The following CCDC81 variants were observed in gnomAD, a reference collection of about 807,000 sequenced individuals.
CCDC81 encodes coiled-coil domain containing 81.
Under a neutral mutation model 83.7 loss-of-function variants are expected in CCDC81, and 79 were observed. The observed-to-expected ratio is 0.94, with a 90% CI of 0.79 to 1.14. The LOEUF (loss-of-function observed/expected upper bound fraction) is 1.14. Among genes scored for constraint, CCDC81 ranks in the 50% most tolerant of loss-of-function variants. The pLI, the probability that CCDC81 is intolerant of heterozygous loss-of-function variation, is 0.00. For synonymous variants in CCDC81, 252 were observed against 278.1 expected (o/e 0.91, Z 0.93); for missense variants, 791 against 778.1 (o/e 1.02, Z -0.20).
At chr11:86,415,504 T>C (rs373935076) in intron 13 of CCDC81, among the ~76,000 whole-genome samples, 191 bp downstream of exon 13, 1 of 152,242 alleles carries the variant, frequency 6.6e-6, no homozygotes, top group African/African-American at 2.4e-5. Context: ...CTTCATCTTG[T>C]TTTATCTTAA....
intron 1 of CCDC81, 24 bp downstream of exon 1, chr11:86,375,266 G>A (rs777018459): frequency 1.3e-6 from 2 of 1,593,208 alleles, no homozygotes; most frequent in Non-Finnish European, 1.7e-6. Context: ...GTAGCAGGGG[G>A]TGGCCCTGGG....
chr11:86,416,792 G>A (rs1269816297), intron 13 of CCDC81, among the ~76,000 whole-genome samples: 1 of 152,136 alleles, frequency 6.6e-6, no homozygotes, highest in Non-Finnish European at 1.5e-5. Flanking sequence ...CTTAACATGT[G>A]ATCTCAGATT....
chr11:86,380,360 C>A (rs1479122131), intron 1 of CCDC81, among the ~76,000 whole-genome samples: 3 of 152,152 alleles, frequency 2.0e-5, no homozygotes, highest in Non-Finnish European at 4.4e-5. Context: ...TTCCCTCTCT[C>A]TGCCTGGCTT....
At chr11:86,418,976 C>T (rs983626633) in intron 13 of CCDC81, 4 of 152,090 alleles carry the variant, frequency 2.6e-5, no homozygotes, top group Non-Finnish European at 4.4e-5. Context: ...CTGGCACTTC[C>T]TGTGTATCAT....
At chr11:86,405,781 TTTTC>T (rs1450601690) in intron 7 of CCDC81, among the ~76,000 whole-genome samples, 2 of 141,394 alleles carry the variant, frequency 1.4e-5, no homozygotes, top group Non-Finnish European at 3.1e-5. Context: ...ATTTCTTCTT[TTTTC>T]TTTTTTTTTT....
At chr11:86,383,223 C>T (rs1354877122) in intron 1 of CCDC81, among the ~76,000 whole-genome samples, 3 of 152,176 alleles carry the variant, frequency 2.0e-5, no homozygotes, top group Non-Finnish European at 4.4e-5. Flanking sequence ...GGGTCTTCCA[C>T]GTAGCACACT....
chr11:86,401,112 T>C (rs148723099), intron 7 of CCDC81, among the ~76,000 whole-genome samples: 1 of 152,322 alleles, frequency 6.6e-6, no homozygotes, highest in Admixed American at 6.5e-5. Context: ...TACAAAACTT[T>C]CATGTTTTCC....
At chr11:86,417,500 CTAGCAATGTCATA>C (rs1350399906) in intron 13 of CCDC81, among the ~76,000 whole-genome samples, 1 of 151,712 alleles carries the variant, frequency 6.6e-6, no homozygotes, top group Non-Finnish European at 1.5e-5. Context: ...TTTCTTTAAC[CTAGCAATGTCATA>C]TACAACTCAG....
At chr11:86,396,617 T>A (rs1471309070) in intron 5 of CCDC81, among the ~76,000 whole-genome samples, 1 of 152,176 alleles carries the variant, frequency 6.6e-6, no homozygotes, top group African/African-American at 2.4e-5. Context: ...GACACATACC[T>A]CAGAAGATTC....
chr11:86,409,278 T>G lies in CCDC81; in HGVS notation c.1131T>G (p.Thr377=). The G allele has an allele frequency of 6.7e-7, 1 of 1,489,460 alleles. No homozygotes were observed. Among genetic ancestry groups the G allele is most frequent in the South Asian group, 1.4e-5 (1 of 71,318 alleles). The allele number at this position is 1,489,460 out of a possible 1,614,324, so 92.3% of individuals were successfully genotyped here. Residue 377 remains threonine, a synonymous_variant, in exon 10 of 15, where the codon ACT becomes ACG. Coordinates refer to ENST00000445632, the MANE Select transcript of CCDC81 (RefSeq NM_001156474.2). ...LFRHQMKSLA[T]REQNQKNAAY... ...AACAATAGATGAAAAGTCTGGCTAC[T>G]AGAGAACAGAATCAGAAAAATGCTG...
chr11:86,420,211 T>C (rs562511681), intron 14 of CCDC81, among the ~76,000 whole-genome samples, 158 bp downstream of exon 14: 2 of 152,360 alleles, frequency 1.3e-5, no homozygotes, highest in East Asian at 3.9e-4. Context: ...TGATTAGAAA[T>C]GTCTGTTACA....
chr11:86,403,206 C>T (rs1449216520), intron 7 of CCDC81, among the ~76,000 whole-genome samples: 1 of 151,710 alleles, frequency 6.6e-6, no homozygotes, highest in Non-Finnish European at 1.5e-5. Flanking sequence ...TTACAGTTTT[C>T]CTGCTTGAAT....
chr11:86,422,538 G>C, intron 14 of CCDC81, 36 bp from the exon 15 acceptor site: 1 of 1,594,854 alleles, frequency 6.3e-7, no homozygotes, highest in Non-Finnish European at 8.6e-7. Flanking sequence ...GGAACTCCAG[G>C]AACCTGCTGA....
rs751443342 is a variant in CCDC81 at position 86,375,215 on chromosome 11, C to T, written c.52C>T (p.Pro18Ser). The T allele has an allele frequency of 2.0e-5, 33 of 1,612,094 alleles. No individual in the cohort carries two copies. The South Asian group carries it at 3.4e-4, about 17-fold the overall frequency. Residue 18 changes from proline to serine, a missense_variant, in exon 1 of 15, where the codon CCC becomes TCC. Transcript: ENST00000445632. ...ALQDLGRQVL[P>S]TLPSLSQEEV... ...GCAGGACCTGGGCAGGCAGGTGCTG[C>T]CCACTCTGCCCTCGCTGAGCCAGGA... is the stretch of plus-strand genomic sequence containing the variant.
intron 13 of CCDC81, 154 bp from the exon 14 acceptor site, chr11:86,419,774 G>T (rs1261125879): frequency 8.7e-6 from 5 of 577,642 alleles, no homozygotes; most frequent in Non-Finnish European, 1.1e-5. Context: ...AGGAATTTCA[G>T]TATGCTTTTA....
Position 86,395,337 on chromosome 11 carries a change from C to A in CCDC81, c.559C>A (p.Pro187Thr). ...GALAKALANR[P>T]GTVDSVLSSR... ...TTGCTCTGTTGCTGTCCTCTAGAGG[C>A]CTGGCACTGTGGACTCGGTGTTGTC... The change falls in exon 5 of 15, where the codon CCT (proline) becomes ACT (threonine). Residue 187 changes from proline to threonine, a missense_variant. Coordinates refer to ENST00000445632, the MANE Select transcript of CCDC81 (RefSeq NM_001156474.2). The A allele has an allele frequency of 6.2e-7, 1 of 1,613,904 alleles. No homozygotes were observed. The highest frequency in any genetic ancestry group is 8.5e-7 in the Non-Finnish European group (1 of 1,179,826).
chr11:86,387,748 G>A (rs75412843), intron 3 of CCDC81, 76 bp downstream of exon 3: 1 of 1,021,602 alleles, frequency 9.8e-7, no homozygotes, highest in African/African-American at 1.6e-5. Context: ...GCAAAGCGTA[G>A]CCAGTGCTGC....
Position 86,375,137 on chromosome 11 carries a change from C to T in CCDC81, c.-27C>T. 1 of 1,597,624 alleles carries T rather than the reference C, an allele frequency of 6.3e-7. No homozygotes were observed. Among genetic ancestry groups the T allele is most frequent in the African/African-American group, 1.3e-5 (1 of 74,662 alleles). On this transcript the variant is annotated 5_prime_UTR_variant, in exon 1 of 15. Transcript: ENST00000445632. Reference sequence around the variant, plus strand: ...AGAAAGAAGAGACCCATCGAACATTCAGTACGGAGTCACCTGGAAATTGGA... The same window carrying T: ...AGAAAGAAGAGACCCATCGAACATTTAGTACGGAGTCACCTGGAAATTGGA...
At chr11:86,394,624 G>A (rs1948378208) in intron 4 of CCDC81, among the ~76,000 whole-genome samples, 1 of 152,206 alleles carries the variant, frequency 6.6e-6, no homozygotes, top group Non-Finnish European at 1.5e-5. Flanking sequence ...GCTTATTTCA[G>A]TAATGCTGCT....
Sources: allele counts gnomAD v4.1 joint callset (sites outside exome capture counted in the v4.1 genomes callset), GRCh38; gene constraint gnomAD v4.1.1; transcripts MANE v1.5; gene names NCBI Gene and HGNC (gene_info 2026-07-23, HGNC 2026-07-21).